SEMA6D: variants seen among roughly 807,000 people sequenced by gnomAD.
SEMA6D encodes semaphorin-6D.
A neutral mutation model predicts 106.6 loss-of-function variants in SEMA6D; 35 were observed. The observed-to-expected ratio is 0.33, with a 90% CI of 0.25 to 0.44. SEMA6D has a LOEUF of 0.44. Ranked by LOEUF, SEMA6D falls within the 20% of genes least tolerant of loss-of-function variation. The probability of loss-of-function intolerance (pLI) is 1.00; values close to 1 mark genes in which losing one functional copy is unlikely to be tolerated. For missense variants in SEMA6D, 1,185 were observed against 1,345.9 expected (o/e 0.88, Z 1.87); for synonymous variants, 499 against 487.7 (o/e 1.02, Z -0.31).
In SEMA6D at chr15:47,447,331, C is replaced by A. The variant is rs1211462182; in HGVS notation, c.-158-23143C>A. Among the ~76,000 whole-genome samples the A allele has an allele frequency of 2.0e-5, 3 of 152,118 alleles. No homozygotes were observed. In the East Asian group the frequency reaches 5.8e-4, roughly 30 times the overall value. ...ACTGGCCAGGATTAGAGGGTCGTAA[C>A]TTTCATCCCACCCCCAACCTCTGGG... On this transcript the variant is annotated intron_variant, in intron 2 of 19. Coordinates refer to the SEMA6D transcript ENST00000558014.
At chr15:47,501,867 G>A (rs1468830588) in intron 3 of SEMA6D, among the ~76,000 whole-genome samples, 2 of 113,352 alleles carry the variant, frequency 1.8e-5, no homozygotes, top group African/African-American at 8.0e-5. Flanking sequence ...GTTTTGTTTT[G>A]TTTTGTTTTG....
chr15:47,367,686 GCGCGCGCACACACACACA>G (rs1270491502), intron 1 of SEMA6D, among the ~76,000 whole-genome samples: 18 of 42,118 alleles, frequency 4.3e-4, no homozygotes, highest in African/African-American at 1.6e-3. Flanking sequence ...ACACGCGCGC[GCGCGCGCACACACACACA>G]CACACACACA....
At chr15:47,200,306 A>C (rs367930197) in intron 1 of SEMA6D, among the ~76,000 whole-genome samples, 1 of 152,140 alleles carries the variant, frequency 6.6e-6, no homozygotes, top group African/African-American at 2.4e-5. Flanking sequence ...ATATTTGTGA[A>C]AAGTGTTACA....
chr15:47,321,079 G>A (rs978705823), intron 1 of SEMA6D, among the ~76,000 whole-genome samples: 9 of 152,002 alleles, frequency 5.9e-5, no homozygotes, highest in African/African-American at 1.9e-4. Context: ...TTCATAACAG[G>A]GCTCTATCTC....
chr15:47,188,442 CA>C (rs1401679532), intron 1 of SEMA6D, among the ~76,000 whole-genome samples: 3 of 151,992 alleles, frequency 2.0e-5, no homozygotes, highest in African/African-American at 7.2e-5. Flanking sequence ...AGATATAAGA[CA>C]ATGCAAATTA....
At chr15:47,298,182 C>A (rs1393635757) in intron 1 of SEMA6D, among the ~76,000 whole-genome samples, 1 of 152,122 alleles carries the variant, frequency 6.6e-6, no homozygotes, top group East Asian at 1.9e-4. Context: ...TGACCAGAAG[C>A]CCTCCTGGGT....
chr15:47,526,798 G>A (rs1490952909), intron 3 of SEMA6D, among the ~76,000 whole-genome samples: 6 of 151,886 alleles, frequency 4.0e-5, no homozygotes, highest in East Asian at 1.9e-4. Flanking sequence ...GTGTAGTGGC[G>A]TGATCTCCGC....
intron 1 of SEMA6D, among the ~76,000 whole-genome samples, chr15:47,279,712 A>C (rs2035017223): frequency 6.6e-6 from 1 of 152,076 alleles, no homozygotes; most frequent in Admixed American, 6.5e-5. Flanking sequence ...TCAATACCTA[A>C]TTTATTGAGA....
rs1427540851 is a variant in SEMA6D, at chr15:47,552,881, AATATATATAAATATATATATATAT to A, written c.-86-47982_-86-47959del. ...ATATATATATTTTTATATATATATAAATATATATAAATATATATATATATAAATATATATATATTTGAGATGGAG... is the reference window on the plus strand; with the variant it reads ...ATATATATATTTTTATATATATATAAAAATATATATATATTTGAGATGGAG... On this transcript the variant is annotated intron_variant, in intron 3 of 19. Transcript: ENST00000558014. Among the ~76,000 whole-genome samples, 13 of 14,336 alleles carry A rather than the reference AATATATATAAATATATATATATAT, an allele frequency of 9.1e-4. 2 individuals carry two copies. The highest frequency in any genetic ancestry group is 9.0e-3 in the Admixed American group (10 of 1,110). 9.4% of individuals were successfully genotyped at this position (14,336 alleles called of 152,430 possible).
At chr15:47,584,663 A>G (rs2076307467) in intron 3 of SEMA6D, among the ~76,000 whole-genome samples, 1 of 152,212 alleles carries the variant, frequency 6.6e-6, no homozygotes, top group Non-Finnish European at 1.5e-5. Context: ...AATCTGTTTT[A>G]GAAGTAGGCA....
At chr15:47,655,368 A>G (rs1355805851) in intron 4 of SEMA6D, among the ~76,000 whole-genome samples, 1 of 152,178 alleles carries the variant, frequency 6.6e-6, no homozygotes, top group African/African-American at 2.4e-5. Flanking sequence ...AGGGTTGAGG[A>G]CTGTTGTCAT....
intron 1 of SEMA6D, among the ~76,000 whole-genome samples, chr15:47,288,694 A>G (rs1475321287): frequency 6.6e-6 from 1 of 152,104 alleles, no homozygotes. Flanking sequence ...AAGACTTGTA[A>G]TATGATTTTG....
At chr15:47,712,663 A>C, upstream of SEMA6D, among the ~76,000 whole-genome samples, 1 of 152,220 alleles carries the variant, frequency 6.6e-6, no homozygotes, top group East Asian at 1.9e-4. Context: ...GAAGTAAATA[A>C]ACTTTTAATT....
chr15:47,268,812 T>A (rs1040608398), intron 1 of SEMA6D, among the ~76,000 whole-genome samples: 2 of 152,174 alleles, frequency 1.3e-5, no homozygotes, highest in Non-Finnish European at 2.9e-5. Flanking sequence ...AGCCATTTCA[T>A]AACTGAATTT....
intron 1 of SEMA6D, among the ~76,000 whole-genome samples, chr15:47,726,960 G>A (rs978608625): frequency 6.6e-6 from 1 of 152,152 alleles, no homozygotes; most frequent in Non-Finnish European, 1.5e-5. Flanking sequence ...CTGGAAAGGG[G>A]AATTTAGAAG....
At chr15:47,661,490 A>G (rs570373909) in intron 4 of SEMA6D, among the ~76,000 whole-genome samples, 120 of 152,352 alleles carry the variant, frequency 7.9e-4, no homozygotes, top group Non-Finnish European at 1.5e-3. Flanking sequence ...GGGTGAAGCT[A>G]TGGAAACTGC....
intron 3 of SEMA6D, among the ~76,000 whole-genome samples, chr15:47,557,204 A>G (rs1178299908): frequency 6.6e-6 from 1 of 152,150 alleles, no homozygotes; most frequent in Admixed American, 6.5e-5. Context: ...TTCATGTAAA[A>G]TGACAGGAGT....
intron 3 of SEMA6D, among the ~76,000 whole-genome samples, chr15:47,478,594 G>C (rs934866543): frequency 6.6e-6 from 1 of 152,072 alleles, no homozygotes; most frequent in African/African-American, 2.4e-5. Context: ...AGGGTGTTGT[G>C]GTATAGCATG....
At chr15:47,439,905 A>G (rs1322128583) in intron 2 of SEMA6D, among the ~76,000 whole-genome samples, 2 of 152,148 alleles carry the variant, frequency 1.3e-5, no homozygotes, top group East Asian at 3.9e-4. Context: ...AAAGCATTTC[A>G]GGCACTAAAG....
Sources: allele counts gnomAD v4.1 joint callset (sites outside exome capture counted in the v4.1 genomes callset), GRCh38; gene constraint gnomAD v4.1.1; transcripts MANE v1.5; gene names NCBI Gene and HGNC (gene_info 2026-07-23, HGNC 2026-07-21).